Variants in STX7 observed in about 807,000 individuals in gnomAD.
STX7 encodes the protein syntaxin-7.
Under a neutral mutation model 39.6 loss-of-function variants are expected in STX7, and 34 were observed. That is an observed-to-expected ratio of 0.86 (90% CI 0.65 to 1.14). STX7 has a LOEUF of 1.14. Ranked by LOEUF, STX7 falls within the 50% of genes most tolerant of loss-of-function variation. STX7 has a pLI of 0.00. For synonymous variants in STX7, 119 were observed against 99.1 expected (o/e 1.20, Z -1.19); for missense variants, 284 against 310.4 (o/e 0.92, Z 0.64).
chr6:132,463,935 A>C, intron 9 of STX7, 58 bp downstream of exon 9: 1 of 1,496,498 alleles, frequency 6.7e-7, no homozygotes, highest in Non-Finnish European at 9.3e-7. Context: ...CAACACAAAC[A>C]CACACACACA....
At chr6:132,481,437 T>C (rs1775014327) in intron 2 of STX7, among the ~76,000 whole-genome samples, 1 of 152,230 alleles carries the variant, frequency 6.6e-6, no homozygotes, top group African/African-American at 2.4e-5. Flanking sequence ...TATTAGTCAC[T>C]ATCACTAACA....
At chr6:132,472,259 C>A in intron 4 of STX7, 23 bp downstream of exon 4, 1 of 1,583,506 alleles carries the variant, frequency 6.3e-7, no homozygotes, top group Non-Finnish European at 8.6e-7. Context: ...AATACATCAA[C>A]AATGTGTCTT....
Position 132,452,134 on chromosome 6 carries a change from A to G in STX7, c.*8624T>C, listed in dbSNP as rs1774148141. On this transcript the variant is annotated 3_prime_UTR_variant, in exon 10 of 10. Coordinates refer to ENST00000367941, the MANE Select transcript of STX7 (RefSeq NM_003569.3). ...CACATGAATGGGCTAAAGAAGAAAA[A>G]TGGCATTATGTAAATTAAGGCAGAA... 6.6e-6 allele frequency: 1 copy of G among 152,200 alleles called. No individual in the cohort carries two copies. The highest frequency in any genetic ancestry group is 1.5e-5 in the Non-Finnish European group (1 of 68,022). 9.4% of individuals were successfully genotyped at this position (152,200 alleles called of 1,614,324 possible).
At position 132,460,626 on chromosome 6, in the gene STX7, C is replaced by G; in HGVS notation, c.*132G>C. ...TCCAAAGGAACCACCCCAACCCCCCCAATAAAAATAACAAAGTATGGGAAC... is the reference window on the plus strand; with the variant it reads ...TCCAAAGGAACCACCCCAACCCCCCGAATAAAAATAACAAAGTATGGGAAC... On this transcript the variant is annotated 3_prime_UTR_variant, in exon 10 of 10. Transcript: ENST00000367941. 1 of 624,706 alleles carries G rather than the reference C, an allele frequency of 1.6e-6. No homozygotes were observed. The highest frequency in any genetic ancestry group is 1.9e-5 in the African/African-American group (1 of 52,866). 38.7% of individuals were successfully genotyped at this position (624,706 alleles called of 1,614,324 possible).
rs145637428 is a variant in STX7 at position 132,475,312 on chromosome 6, C to T, written c.155+281G>A. ...CTAATTTTTTTATTTTCAGTAGAGA[C>T]GGGGTTTCACCATATTGGCCAGGTT... On this transcript the variant is annotated intron_variant, in intron 3 of 9. Transcript: ENST00000367941. 836 of 191,816 alleles carry T rather than the reference C, an allele frequency of 4.4e-3. 11 individuals carry two copies. Among genetic ancestry groups the T allele is most frequent in the African/African-American group, 0.018 (771 of 42,940 alleles). 11.9% of individuals were successfully genotyped at this position (191,816 alleles called of 1,614,324 possible).
chr6:132,502,521 T>A (rs1775594107), intron 2 of STX7, among the ~76,000 whole-genome samples: 1 of 152,222 alleles, frequency 6.6e-6, no homozygotes, highest in Non-Finnish European at 1.5e-5. Context: ...ATGATTTTTT[T>A]AATACATATC....
At chr6:132,495,285 T>C (rs936153340) in intron 2 of STX7, among the ~76,000 whole-genome samples, 6 of 152,226 alleles carry the variant, frequency 3.9e-5, no homozygotes, top group Admixed American at 6.5e-5. Context: ...TAAAATTTCC[T>C]TGGACAAGAT....
At chr6:132,505,343 G>A (rs961060656) in intron 1 of STX7, among the ~76,000 whole-genome samples, 2 of 152,168 alleles carry the variant, frequency 1.3e-5, no homozygotes, top group African/African-American at 4.8e-5. Context: ...AGTGTTGGCA[G>A]GAAGTACAAC....
Position 132,453,656 on chromosome 6 carries a change from T to A in STX7, c.*7102A>T, listed in dbSNP as rs917158065. 6.6e-6 allele frequency: 1 copy of A among 151,450 alleles called. No homozygotes were observed. The highest frequency in any genetic ancestry group is 2.4e-5 in the African/African-American group (1 of 41,186). 9.4% of individuals were successfully genotyped at this position (151,450 alleles called of 1,614,324 possible). On this transcript the variant is annotated 3_prime_UTR_variant, in exon 10 of 10. Coordinates refer to ENST00000367941, the MANE Select transcript of STX7 (RefSeq NM_003569.3). ...CTAAAGAAGAGATACAGGTGGCAAA[T>A]AAGCATATGAAACAAAGATGCTCAA...
rs750816383 is a variant in STX7, at chr6:132,475,631, A to T, written c.117T>A (p.Leu39=). ...SVEIQRTLNQ[L]GTPQDSPELR... is the part of the protein sequence containing the mutation. ...ATTCAGGTGAATCTTGAGGTGTTCC[A>T]AGTTGATTCAGAGTTCTTTGTATTT... Residue 39 remains leucine, a synonymous_variant, in exon 3 of 10, where the codon CTT becomes CTA. Transcript: ENST00000367941. 1.6e-4 allele frequency: 253 copies of T among 1,609,370 alleles called. No homozygotes were observed. The highest frequency in any genetic ancestry group is 2.1e-4 in the Non-Finnish European group (248 of 1,177,960).
intron 1 of STX7, among the ~76,000 whole-genome samples, chr6:132,505,684 C>T (rs1444403181): frequency 7.0e-6 from 1 of 142,578 alleles, no homozygotes; most frequent in Non-Finnish European, 1.5e-5. Flanking sequence ...ATGACACCAA[C>T]ACCATCCGGA....
chr6:132,463,775 G>T (rs1014261572), intron 9 of STX7, among the ~76,000 whole-genome samples: 1 of 152,176 alleles, frequency 6.6e-6, no homozygotes, highest in African/African-American at 2.4e-5. Flanking sequence ...TTCTCTCCCT[G>T]TGGGCCAACA....
At chr6:132,464,825 C>A (rs193080442) in intron 8 of STX7, among the ~76,000 whole-genome samples, 1 of 152,096 alleles carries the variant, frequency 6.6e-6, no homozygotes, top group African/African-American at 2.4e-5. Flanking sequence ...TAGCCCTCAC[C>A]GAGGGCCCAT....
At chr6:132,484,183 C>T (rs572562277) in intron 2 of STX7, among the ~76,000 whole-genome samples, 8 of 152,256 alleles carry the variant, frequency 5.3e-5, no homozygotes, top group Admixed American at 2.0e-4. Context: ...CTTCCACAGA[C>T]GTGACTTCAA....
intron 1 of STX7, among the ~76,000 whole-genome samples, chr6:132,506,967 T>C (rs1277836821): frequency 2.0e-5 from 3 of 152,200 alleles, no homozygotes; most frequent in Non-Finnish European, 4.4e-5. Flanking sequence ...TGGAATACTA[T>C]TCAACCTTAA....
rs1774219767 is a variant in STX7, at chr6:132,455,321, T to C, written c.*5437A>G. On this transcript the variant is annotated 3_prime_UTR_variant, in exon 10 of 10. Coordinates refer to ENST00000367941, the MANE Select transcript of STX7 (RefSeq NM_003569.3). ...GTGAAACTAGGTATCAGAAAAATCT[T>C]AGTCGAGGCTAAATAACTGCATTTA... The C allele has an allele frequency of 6.6e-6, 1 of 152,214 alleles. No homozygotes were observed. 9.4% of individuals were successfully genotyped at this position (152,214 alleles called of 1,614,324 possible).
intron 2 of STX7, among the ~76,000 whole-genome samples, chr6:132,475,950 A>T (rs368115261): frequency 1.3e-5 from 2 of 152,200 alleles, no homozygotes; most frequent in East Asian, 3.8e-4. Flanking sequence ...TATTAAGTAA[A>T]TACAAGGGCA....
At position 132,460,080 on chromosome 6, in the gene STX7, T is replaced by G. The variant is rs561882960; in HGVS notation, c.*678A>C. ...GTAACTACACTTTCCCCCGTAAACA[T>G]CAGACTTAAATAGACCATATGTAAA... On this transcript the variant is annotated 3_prime_UTR_variant, in exon 10 of 10. Coordinates refer to ENST00000367941, the MANE Select transcript of STX7 (RefSeq NM_003569.3). The G allele has an allele frequency of 6.6e-6, 1 of 152,306 alleles. No individual in the cohort carries two copies. Among genetic ancestry groups the G allele is most frequent in the East Asian group, 1.9e-4 (1 of 5,186 alleles). The allele number at this position is 152,306 out of a possible 1,614,324, so 9.4% of individuals were successfully genotyped here. A position where few individuals can be genotyped will look rare whatever the true frequency, so the allele number is the denominator to read the frequency against.
At chr6:132,502,167 T>G (rs1260157109) in intron 2 of STX7, among the ~76,000 whole-genome samples, 1 of 152,246 alleles carries the variant, frequency 6.6e-6, no homozygotes, top group Admixed American at 6.5e-5. Flanking sequence ...TTATTCTCTT[T>G]GCTCCTAAAA....
Sources: gnomAD v4.1 joint callset for allele counts (sites outside exome capture counted in the v4.1 genomes callset) on GRCh38, gnomAD v4.1.1 for gene constraint, MANE v1.5 for transcripts, NCBI Gene and HGNC (gene_info 2026-07-23, HGNC 2026-07-21) for gene names.